The following WDR3 variants were observed in gnomAD, a reference collection of about 807,000 sequenced individuals.
WDR3 encodes the protein WD repeat-containing protein 3.
Under a neutral mutation model 123.7 loss-of-function variants are expected in WDR3, and 81 were observed. The observed-to-expected ratio is 0.65, with a 90% CI of 0.55 to 0.79. The LOEUF (loss-of-function observed/expected upper bound fraction) is 0.79. WDR3 is among the 30% of genes least tolerant of loss of function. The pLI is 0.00. For synonymous variants in WDR3, 390 were observed against 388.8 expected, an observed-to-expected ratio of 1.00 and a Z score of -0.04; for missense variants, 1,027 against 1,123.2, an observed-to-expected ratio of 0.91 and a Z score of 1.22.
chr1:117,951,909 T>C (rs1379320163), intron 16 of WDR3, 67 bp from the exon 17 acceptor site: 3 of 1,417,620 alleles, frequency 2.1e-6, no homozygotes, highest in Admixed American at 2.1e-5. Flanking sequence ...TTAAATATTC[T>C]GGTTAGCTTT....
intron 8 of WDR3, 46 bp from the exon 9 acceptor site, chr1:117,941,704 T>C (rs771745604): frequency 1.1e-5 from 18 of 1,580,382 alleles, no homozygotes; most frequent in Admixed American, 8.1e-5. Flanking sequence ...TTAGGTAAAT[T>C]ACAAATTACC....
In WDR3 at chr1:117,950,137, T is replaced by C. The variant is rs766441034; in HGVS notation, c.1746+7T>C. The C allele has an allele frequency of 6.2e-7, 1 of 1,612,582 alleles. No individual in the cohort carries two copies. Among genetic ancestry groups the C allele is most frequent in the Non-Finnish European group, 8.5e-7 (1 of 1,179,420 alleles). ...CTACGTTGATACTTTAAAGGTACAGTGGTTATGCCTGCGGATATTTTCCCT... is the reference window on the plus strand; with the variant it reads ...CTACGTTGATACTTTAAAGGTACAGCGGTTATGCCTGCGGATATTTTCCCT... On this transcript the variant is annotated splice_region_variant and intron_variant, in intron 15 of 26. Coordinates refer to ENST00000349139, the MANE Select transcript of WDR3 (RefSeq NM_006784.3).
At chr1:117,939,397 A>G in intron 5 of WDR3, 80 bp from the exon 6 acceptor site, 2 of 1,446,938 alleles carry the variant, frequency 1.4e-6, no homozygotes, top group Non-Finnish European at 1.9e-6. Flanking sequence ...ACTACGGTGT[A>G]ACAGACTTTT....
rs764033918 is a variant in WDR3 at position 117,954,094 on chromosome 1, A to G, written c.2356A>G (p.Lys786Glu). 5.6e-6 allele frequency: 9 copies of G among 1,611,910 alleles called. No individual in the cohort carries two copies. Among genetic ancestry groups the G allele is most frequent in the Non-Finnish European group, 7.6e-6 (9 of 1,178,566 alleles). The change falls in exon 22 of 27, where the codon AAA becomes GAA. Residue 786 changes from lysine to glutamate, a missense_variant. Physicochemically the swap from Lys to Glu is moderately conservative, Grantham distance 56 (BLOSUM62 1). Transcript: ENST00000349139. ...CAAAGCCATTTGTAAAGCTGCAGGG[A>G]AAGAGGTAATAAGAGAGTACAGTAA... is the stretch of plus-strand genomic sequence containing the variant. Reference protein sequence around the residue: ...EHKAICKAAGKEVPLPSNPIL... With the variant: ...EHKAICKAAGEEVPLPSNPIL...
At chr1:117,948,880 G>A (rs1432422623) in intron 13 of WDR3, among the ~76,000 whole-genome samples, 1 of 152,098 alleles carries the variant, frequency 6.6e-6, no homozygotes, top group African/African-American at 2.4e-5. Context: ...TAGCAAGTAT[G>A]TCAGCCCTTA....
chr1:117,936,660 T>C lies in WDR3; in HGVS notation c.382-109T>C, dbSNP rs573855653. On this transcript the variant is annotated intron_variant, in intron 3 of 26. Transcript: ENST00000349139. ...CTTTCCCCATGCTTTCCAAATTTTC[T>C]GTAAGGACTGTGTATTGCCTTTTTA... 14 of 778,052 alleles carry C rather than the reference T, an allele frequency of 1.8e-5. 1 individual carries two copies. The highest frequency in any genetic ancestry group is 1.8e-4 in the African/African-American group (10 of 56,150). 48.2% of individuals were successfully genotyped at this position (778,052 alleles called of 1,614,324 possible).
Position 117,961,002 on chromosome 1 carries a change from G to A in WDR3, c.*1555G>A, listed in dbSNP as rs1653006990. On this transcript the variant is annotated 3_prime_UTR_variant, in exon 27 of 27. Coordinates refer to ENST00000349139, the MANE Select transcript of WDR3 (RefSeq NM_006784.3). The stretch of plus-strand genomic sequence containing the variant: ...CCAATATATTTATTGAAAATATCTG[G>A]GCTGCGTGCAGTGGCTCACGCCTGT... 6.6e-6 allele frequency: 1 copy of A among 152,034 alleles called. No individual in the cohort carries two copies. The highest frequency in any genetic ancestry group is 6.5e-5 in the Admixed American group (1 of 15,278). 9.4% of individuals were successfully genotyped at this position (152,034 alleles called of 1,614,324 possible).
intron 1 of WDR3, among the ~76,000 whole-genome samples, chr1:117,930,415 C>T (rs1374692650): frequency 6.6e-6 from 1 of 152,024 alleles, no homozygotes; most frequent in Non-Finnish European, 1.5e-5. Flanking sequence ...CTAAGTAAAA[C>T]GAATAATATG....
rs1315586658 is a variant in WDR3 at position 117,963,777 on chromosome 1, T to C, written c.*4330T>C. ...AAATTTGAATGCTTGACAATCAAAT[T>C]CCCATTTATTACTTACTGTACCTAA... On this transcript the variant is annotated 3_prime_UTR_variant, in exon 27 of 27. Transcript: ENST00000349139. The C allele has an allele frequency of 6.3e-7, 1 of 1,590,924 alleles. No individual in the cohort carries two copies. Among genetic ancestry groups the C allele is most frequent in the Non-Finnish European group, 8.6e-7 (1 of 1,166,614 alleles).
chr1:117,964,099 T>A lies in WDR3; in HGVS notation c.*4652T>A, dbSNP rs1170385521. 2.5e-5 allele frequency: 17 copies of A among 690,350 alleles called. No homozygotes were observed. The highest frequency in any genetic ancestry group is 3.1e-5 in the Non-Finnish European group (13 of 423,008). 42.8% of individuals were successfully genotyped at this position (690,350 alleles called of 1,614,324 possible). A position where few individuals can be genotyped will look rare whatever the true frequency, so the allele number is the denominator to read the frequency against. On this transcript the variant is annotated 3_prime_UTR_variant, in exon 27 of 27. Transcript: ENST00000349139. The stretch of plus-strand genomic sequence containing the variant: ...AATTCTGCATGCTCAGGCTTGGGGG[T>A]TAGAGGATGGATATGCCAATGTCTA...
At chr1:117,953,973 T>G (rs757900076) in intron 21 of WDR3, 34 bp from the exon 22 acceptor site, 5 of 1,565,002 alleles carry the variant, frequency 3.2e-6, no homozygotes, top group Non-Finnish European at 4.4e-6. Flanking sequence ...TGGAGTATGT[T>G]GTGATGACTT....
chr1:117,959,107 T>A, intron 26 of WDR3, 104 bp downstream of exon 26: 1 of 1,303,574 alleles, frequency 7.7e-7, no homozygotes, highest in Non-Finnish European at 1.1e-6. Flanking sequence ...CCACCACCGA[T>A]AAATCCATAT....
At chr1:117,947,644 C>T (rs1651454585) in intron 12 of WDR3, among the ~76,000 whole-genome samples, 1 of 152,150 alleles carries the variant, frequency 6.6e-6, no homozygotes, top group African/African-American at 2.4e-5. Flanking sequence ...ATCTTTGAAA[C>T]ATTGGTGATA....
In WDR3 at chr1:117,962,401, A is replaced by G. The variant is rs1653220017; in HGVS notation, c.*2954A>G. On this transcript the variant is annotated 3_prime_UTR_variant, in exon 27 of 27. Coordinates refer to ENST00000349139, the MANE Select transcript of WDR3 (RefSeq NM_006784.3). The stretch of plus-strand genomic sequence containing the variant: ...GTATATAATCCTTAATATAAAAACC[A>G]TCTAATGACTAATATCTCTTGCATA... The G allele has an allele frequency of 6.6e-6, 1 of 152,230 alleles. No homozygotes were observed. Among genetic ancestry groups the G allele is most frequent in the Non-Finnish European group, 1.5e-5 (1 of 68,036 alleles). The allele number at this position is 152,230 out of a possible 1,614,324, so 9.4% of individuals were successfully genotyped here. A position where few individuals can be genotyped will look rare whatever the true frequency, so the allele number is the denominator to read the frequency against.
Position 117,955,342 on chromosome 1 carries a change from A to G in WDR3, c.2437A>G (p.Lys813Glu). The change falls in exon 24 of 27, where the codon AAA becomes GAA. Residue 813 changes from lysine (K) to glutamate (E), a missense_variant. Transcript: ENST00000349139. The stretch of plus-strand genomic sequence containing the variant: ...TTCAGCTTATGTATTAGAGATTTTT[A>G]AAGGGATCAAGTCGAGGTGAGTGAG... ...SPSAYVLEIFKGIKSSELEES... is the reference protein window; with the variant it reads ...SPSAYVLEIFEGIKSSELEES... The G allele has an allele frequency of 1.2e-6, 2 of 1,612,520 alleles. No homozygotes were observed. The highest frequency in any genetic ancestry group is 1.7e-6 in the Non-Finnish European group (2 of 1,179,000).
chr1:117,952,508 ATT>A lies in WDR3; in HGVS notation c.2017-11_2017-10del. ...GTGGTCAATGAATGAGGTATTCTTTATTTTTTTTTTCTCCTCCAGGGTCATCA... is the reference window on the plus strand; with the variant it reads ...GTGGTCAATGAATGAGGTATTCTTTATTTTTTTTCTCCTCCAGGGTCATCA... On this transcript the variant is annotated intron_variant, in intron 18 of 26. Coordinates refer to ENST00000349139, the MANE Select transcript of WDR3 (RefSeq NM_006784.3). The A allele has an allele frequency of 1.3e-6, 2 of 1,506,878 alleles. No individual in the cohort carries two copies. Among genetic ancestry groups the A allele is most frequent in the South Asian group, 1.3e-5 (1 of 78,794 alleles). The allele number at this position is 1,506,878 out of a possible 1,614,324, so 93.3% of individuals were successfully genotyped here.
chr1:117,943,304 G>T, intron 10 of WDR3, 92 bp from the exon 11 acceptor site: 1 of 1,091,060 alleles, frequency 9.2e-7, no homozygotes, highest in Non-Finnish European at 1.3e-6. Context: ...ACTTTATATA[G>T]ATAGAGGACA....
In WDR3 at chr1:117,959,233, C is replaced by T. The variant is rs918831314; in HGVS notation, c.2677-59C>T. 20 of 1,566,442 alleles carry T rather than the reference C, an allele frequency of 1.3e-5. No homozygotes were observed. The African/African-American group carries it at 2.3e-4, about 18-fold the overall frequency. On this transcript the variant is annotated intron_variant, in intron 26 of 26. Coordinates refer to ENST00000349139, the MANE Select transcript of WDR3 (RefSeq NM_006784.3). ...CTTTGGTTACCCTAACTCTCATACGCTGCTATAATGAATTGAAGTGGGAGA... is the reference window on the plus strand; with the variant it reads ...CTTTGGTTACCCTAACTCTCATACGTTGCTATAATGAATTGAAGTGGGAGA...
intron 4 of WDR3, among the ~76,000 whole-genome samples, chr1:117,937,368 T>C (rs1170211655): frequency 1.3e-5 from 2 of 152,210 alleles, no homozygotes; most frequent in Non-Finnish European, 2.9e-5. Flanking sequence ...AATTTTATAT[T>C]GTTCAACCTA....
Sources: gnomAD v4.1 joint callset for allele counts (sites outside exome capture counted in the v4.1 genomes callset) on GRCh38, gnomAD v4.1.1 for gene constraint, MANE v1.5 for transcripts, NCBI Gene and HGNC (gene_info 2026-07-23, HGNC 2026-07-21) for gene names.